RAD51B: variants seen among roughly 807,000 people sequenced by gnomAD.
The protein encoded by RAD51B is RAD51 paralog B, also known as DNA repair protein RAD51 homolog 2.
Under a neutral mutation model 42.2 loss-of-function variants are expected in RAD51B, and 38 were observed. That is an observed-to-expected ratio of 0.90 (90% confidence interval 0.70 to 1.18). The LOEUF (loss-of-function observed/expected upper bound fraction) is 1.18, where lower values mean the gene tolerates loss of function less well. Among genes scored for constraint, RAD51B ranks in the 50% most tolerant of loss-of-function variants. The pLI, the probability that RAD51B is intolerant of heterozygous loss-of-function variation, is 0.00. For synonymous variants in RAD51B, 154 were observed against 145.2 expected, an observed-to-expected ratio of 1.06 and a Z score of -0.43; for missense variants, 373 against 400.7, an observed-to-expected ratio of 0.93 and a Z score of 0.59.
intron 7 of RAD51B, among the ~76,000 whole-genome samples, chr14:67,894,928 C>G (rs1231795662): frequency 6.6e-6 from 1 of 152,158 alleles, no homozygotes; most frequent in Non-Finnish European, 1.5e-5. Flanking sequence ...GCATGTACCA[C>G]CATGCCTAGC....
chr14:67,825,697 C>G (rs2040808104), intron 3 of RAD51B, 120 bp downstream of exon 3: 3 of 706,304 alleles, frequency 4.2e-6, no homozygotes, highest in Non-Finnish European at 6.4e-6. Context: ...ACTGAGTTTT[C>G]TACTATAGAA....
intron 10 of RAD51B, among the ~76,000 whole-genome samples, chr14:68,635,894 G>C (rs1408883598): frequency 6.6e-6 from 1 of 152,212 alleles, no homozygotes; most frequent in East Asian, 1.9e-4. Context: ...TCTAAGTGGA[G>C]ATCTAGCCAT....
chr14:68,503,856 G>A (rs1234124212), intron 10 of RAD51B, among the ~76,000 whole-genome samples: 1 of 152,188 alleles, frequency 6.6e-6, no homozygotes, highest in Non-Finnish European at 1.5e-5. Context: ...ATAAAATCCT[G>A]CTCTGAGGTG....
At chr14:68,233,141 G>C (rs2080179806) in intron 7 of RAD51B, among the ~76,000 whole-genome samples, 1 of 152,162 alleles carries the variant, frequency 6.6e-6, no homozygotes, top group Admixed American at 6.5e-5. Context: ...ATTGTAAGCT[G>C]GTTGTTTAGA....
intron 11 of RAD51B, among the ~76,000 whole-genome samples, chr14:68,671,567 C>A (rs1031568141): frequency 6.6e-6 from 1 of 152,102 alleles, no homozygotes; most frequent in Non-Finnish European, 1.5e-5. Context: ...TCCCCCAACA[C>A]CCCGCCTCCG....
At chr14:68,437,112 C>T (rs1306259629) in intron 9 of RAD51B, among the ~76,000 whole-genome samples, 2 of 152,106 alleles carry the variant, frequency 1.3e-5, no homozygotes, top group African/African-American at 4.8e-5. Flanking sequence ...AAAGAGAATG[C>T]TTCTAACTTT....
intron 10 of RAD51B, among the ~76,000 whole-genome samples, chr14:68,493,436 C>T (rs1238232152): frequency 6.6e-6 from 1 of 152,018 alleles, no homozygotes; most frequent in Non-Finnish European, 1.5e-5. Flanking sequence ...TAGAATTCCC[C>T]CAAGGACCTC....
At chr14:68,458,938 C>T (rs542487014) in intron 9 of RAD51B, among the ~76,000 whole-genome samples, 6 of 152,266 alleles carry the variant, frequency 3.9e-5, no homozygotes, top group African/African-American at 1.2e-4. Flanking sequence ...CTGCTCTGCC[C>T]GCATAATCCT....
chr14:68,377,287 G>A (rs1012224018), intron 8 of RAD51B, among the ~76,000 whole-genome samples: 6 of 152,176 alleles, frequency 3.9e-5, no homozygotes, highest in African/African-American at 1.2e-4. Context: ...GGGGTTTGTT[G>A]TAAAGCACCA....
intron 7 of RAD51B, among the ~76,000 whole-genome samples, chr14:67,966,579 A>G (rs1032627465): frequency 8.5e-5 from 13 of 152,208 alleles, no homozygotes; most frequent in African/African-American, 2.9e-4. Flanking sequence ...CCAGAAAATG[A>G]CAACTATTTT....
chr14:68,228,787 C>A (rs1220965732), intron 7 of RAD51B, among the ~76,000 whole-genome samples: 4 of 152,188 alleles, frequency 2.6e-5, no homozygotes, highest in Non-Finnish European at 5.9e-5. Flanking sequence ...TTACGTCAAG[C>A]CACTATTTCT....
At chr14:68,539,892 C>G (rs539219593) in intron 10 of RAD51B, among the ~76,000 whole-genome samples, 2 of 152,218 alleles carry the variant, frequency 1.3e-5, no homozygotes, top group African/African-American at 2.4e-5. Context: ...TGGCCTCTAA[C>G]GGTCCCGTAT....
chr14:68,658,592 G>A (rs570202840), intron 11 of RAD51B, among the ~76,000 whole-genome samples: 3 of 152,300 alleles, frequency 2.0e-5, no homozygotes, highest in Admixed American at 1.3e-4. Context: ...ACAAGGAATA[G>A]GACGGAATGA....
chr14:68,327,238 A>T (rs1309135291), intron 8 of RAD51B, among the ~76,000 whole-genome samples: 2 of 152,062 alleles, frequency 1.3e-5, no homozygotes, highest in Admixed American at 6.5e-5. Flanking sequence ...TATCAATCTG[A>T]TGATGTCAGA....
At chr14:68,095,971 CAAAAAAAAAAAAA>C (rs56862052) in intron 7 of RAD51B, among the ~76,000 whole-genome samples, 47 of 62,620 alleles carry the variant, frequency 7.5e-4, no homozygotes, top group Non-Finnish European at 2.1e-4. Flanking sequence ...GACTCCGTCT[CAAAAAAAAAAAAA>C]AAAAAAAAAA....
intron 7 of RAD51B, among the ~76,000 whole-genome samples, chr14:68,092,449 C>A (rs2077116834): frequency 6.6e-6 from 1 of 152,070 alleles, no homozygotes; most frequent in African/African-American, 2.4e-5. Context: ...GTATTTTATT[C>A]TCTTTGAAGC....
chr14:68,438,693 T>C (rs1280339551), intron 9 of RAD51B, among the ~76,000 whole-genome samples: 2 of 152,102 alleles, frequency 1.3e-5, no homozygotes, highest in Non-Finnish European at 2.9e-5. Context: ...CTGGCTTCTG[T>C]ATAGAGACAA....
At chr14:68,424,774 A>T (rs1230176409) in intron 9 of RAD51B, among the ~76,000 whole-genome samples, 1 of 148,664 alleles carries the variant, frequency 6.7e-6, no homozygotes, top group Non-Finnish European at 1.5e-5. Flanking sequence ...AACCACCTGT[A>T]ATCTCTTTTT....
At chr14:68,199,839 C>G (rs1017350337) in intron 7 of RAD51B, among the ~76,000 whole-genome samples, 4 of 152,162 alleles carry the variant, frequency 2.6e-5, no homozygotes, top group African/African-American at 9.7e-5. Flanking sequence ...CATGGTGATA[C>G]GCCACCTACT....
Sources: allele counts gnomAD v4.1 joint callset (sites outside exome capture counted in the v4.1 genomes callset), GRCh38; gene constraint gnomAD v4.1.1; transcripts MANE v1.5; gene names NCBI Gene and HGNC (gene_info 2026-07-23, HGNC 2026-07-21).